MYO10: variants seen among roughly 807,000 people sequenced by gnomAD.
MYO10 encodes myosin X.
MYO10 carries 133 observed loss-of-function variants against 257.3 expected under a neutral mutation model. The observed-to-expected ratio is 0.52, with a 90% CI of 0.45 to 0.60. The LOEUF is 0.60. Among genes scored for constraint, MYO10 ranks in the 20% least tolerant of loss-of-function variants. The pLI is 0.00. For synonymous variants in MYO10, 1,104 were observed against 1,028.6 expected, an observed-to-expected ratio of 1.07 and a Z score of -1.40; for missense variants, 2,399 against 2,635.7, an observed-to-expected ratio of 0.91 and a Z score of 1.97.
At chr5:16,814,240 C>G (rs1484646628) in intron 3 of MYO10, among the ~76,000 whole-genome samples, 1 of 152,204 alleles carries the variant, frequency 6.6e-6, no homozygotes, top group African/African-American at 2.4e-5. Flanking sequence ...CTCCCGGGTT[C>G]ACGCCATTTT....
At chr5:16,797,664 A>G (rs1232964085) in intron 3 of MYO10, among the ~76,000 whole-genome samples, 1 of 152,232 alleles carries the variant, frequency 6.6e-6, no homozygotes. Context: ...GATCCATGCT[A>G]CAATGTGAAT....
At chr5:16,869,643 T>A (rs2126754443) in intron 2 of MYO10, among the ~76,000 whole-genome samples, 1 of 151,760 alleles carries the variant, frequency 6.6e-6, no homozygotes, top group East Asian at 2.0e-4. Context: ...GGCAGGTGGA[T>A]CACCTGAGGT....
At chr5:16,718,154 G>T (rs1738969343) in intron 19 of MYO10, among the ~76,000 whole-genome samples, 1 of 152,246 alleles carries the variant, frequency 6.6e-6, no homozygotes. Flanking sequence ...CCGGCGCTGT[G>T]CTCTGTTTCT....
Position 16,740,885 on chromosome 5 carries a change from CAA to C in MYO10, c.1929+13941_1929+13942del, listed in dbSNP as rs536412973. Among the ~76,000 whole-genome samples, 1,210 of 133,490 alleles carry C rather than the reference CAA, an allele frequency of 9.1e-3. 13 individuals carry two copies. Among genetic ancestry groups the C allele is most frequent in the African/African-American group, 0.031 (1,157 of 37,152 alleles). 87.6% of individuals were successfully genotyped at this position (133,490 alleles called of 152,430 possible). ...ATTAATTACTCTCTAAAATTGATGG[CAA>C]AAAAAAAAAAACCCAACATTCTCAT... On this transcript the variant is annotated intron_variant, in intron 19 of 40. Transcript: ENST00000513610.
intron 4 of MYO10, among the ~76,000 whole-genome samples, chr5:16,789,791 A>G (rs1426094279): frequency 1.3e-5 from 2 of 152,150 alleles, no homozygotes; most frequent in South Asian, 2.1e-4. Flanking sequence ...CAAAAAACAA[A>G]CAAAAAACAG....
chr5:16,758,356 GAC>G, intron 17 of MYO10, 130 bp from the exon 18 acceptor site: 1 of 662,144 alleles, frequency 1.5e-6, no homozygotes, highest in Middle Eastern at 2.7e-4. Flanking sequence ...GAAGAACTAA[GAC>G]AGCTTCCAAA....
chr5:16,886,671 A>G (rs1226807982), intron 1 of MYO10, among the ~76,000 whole-genome samples: 1 of 152,056 alleles, frequency 6.6e-6, no homozygotes, highest in Non-Finnish European at 1.5e-5. Context: ...GTGGCTCCTG[A>G]CTGTAATCCC....
At chr5:16,783,588 G>A (rs1357314340) in intron 4 of MYO10, 119 bp from the exon 5 acceptor site, 13 of 1,115,262 alleles carry the variant, frequency 1.2e-5, no homozygotes, top group Non-Finnish European at 1.5e-5. Flanking sequence ...GGAAGAGGGA[G>A]ATCAAAATGC....
chr5:16,738,314 G>A, intron 19 of MYO10: 1 of 985,476 alleles, frequency 1.0e-6, no homozygotes. Flanking sequence ...TGGGAGCAGG[G>A]GTGGGGATTA....
At chr5:16,685,150 T>C (rs1292773826) in intron 29 of MYO10, among the ~76,000 whole-genome samples, 1 of 152,214 alleles carries the variant, frequency 6.6e-6, no homozygotes, top group Non-Finnish European at 1.5e-5. Context: ...ATTTCTTTTG[T>C]TCTTTTAAAG....
chr5:16,794,852 A>T lies in MYO10; in HGVS notation c.280-19T>A, dbSNP rs147743234. The T allele has an allele frequency of 1.2e-5, 17 of 1,456,442 alleles. No individual in the cohort carries two copies. Among genetic ancestry groups the T allele is most frequent in the Non-Finnish European group, 1.6e-5 (17 of 1,094,466 alleles). 90.2% of individuals were successfully genotyped at this position (1,456,442 alleles called of 1,614,324 possible). A position where few individuals can be genotyped will look rare whatever the true frequency, so the allele number is the denominator to read the frequency against. ...TGTAGGTCTGCAAGCACAGAGTGAG[A>T]CAGGGATGCGTCACTTCTAACCCAG... On this transcript the variant is annotated intron_variant, in intron 3 of 40. Transcript: ENST00000513610.
intron 28 of MYO10, 60 bp from the exon 29 acceptor site, chr5:16,685,891 G>A: frequency 7.8e-7 from 1 of 1,284,322 alleles, no homozygotes; most frequent in Non-Finnish European, 1.1e-6. Flanking sequence ...CAAAGCAATA[G>A]TGCCCTACTG....
At position 16,711,198 on chromosome 5, in the gene MYO10, G is replaced by A. The variant is rs1178706359; in HGVS notation, c.1977C>T (p.Tyr659=). ...TTCTCACAGTCTCCAGCATCCCTGA[G>A]TACCGCAGCTGGTTCAGCACAACCG... ...DQAVVLNQLR[Y]SGMLETVRIR... is the part of the protein sequence containing the mutation. The change falls in exon 20 of 41, where the codon TAC becomes TAT. Residue 659 remains tyrosine (Y), a synonymous_variant. Coordinates refer to ENST00000513610, the MANE Select transcript of MYO10 (RefSeq NM_012334.3). 10 of 1,613,214 alleles carry A rather than the reference G, an allele frequency of 6.2e-6. No individual in the cohort carries two copies. Among genetic ancestry groups the A allele is most frequent in the African/African-American group, 2.7e-5 (2 of 74,846 alleles).
At chr5:16,750,571 T>C (rs1740351056) in intron 19 of MYO10, among the ~76,000 whole-genome samples, 1 of 151,990 alleles carries the variant, frequency 6.6e-6, no homozygotes, top group South Asian at 2.1e-4. Flanking sequence ...GCCCGGCGAG[T>C]GTGTGAGTCT....
In MYO10 at chr5:16,738,964, G is replaced by A. The variant is rs935363671; in HGVS notation, c.1929+15864C>T. Among the ~76,000 whole-genome samples the A allele has an allele frequency of 4.7e-5, 7 of 148,138 alleles. No homozygotes were observed. The Admixed American group carries it at 4.8e-4, about 10-fold the overall frequency. On this transcript the variant is annotated intron_variant, in intron 19 of 40. Transcript: ENST00000513610. ...GCAACAATTTATACTCCCAGCAGCA[G>A]AATAGCAGAATCCATTAATGGCAGT...
At chr5:16,794,929 A>C in intron 3 of MYO10, 96 bp from the exon 4 acceptor site, 2 of 992,708 alleles carry the variant, frequency 2.0e-6, no homozygotes, top group Non-Finnish European at 1.4e-6. Context: ...AGGGGGAAAG[A>C]CGTCTTCTGT....
rs752871617 is a variant in MYO10 at position 16,671,399 on chromosome 5, C to A, written c.5430+23G>T. On this transcript the variant is annotated intron_variant, in intron 38 of 40. Coordinates refer to ENST00000513610, the MANE Select transcript of MYO10 (RefSeq NM_012334.3). Reference sequence around the variant, plus strand: ...CACCCTTGCTTGCCGGCAAAGAAATCTGTTTCTAACTATTCCTTTTACCTG... The same window carrying A: ...CACCCTTGCTTGCCGGCAAAGAAATATGTTTCTAACTATTCCTTTTACCTG... 4 of 1,612,390 alleles carry A rather than the reference C, an allele frequency of 2.5e-6. No homozygotes were observed. In the South Asian group the frequency reaches 3.3e-5, roughly 13 times the overall value.
chr5:16,911,455 G>T (rs957086117), intron 1 of MYO10, among the ~76,000 whole-genome samples: 1 of 152,152 alleles, frequency 6.6e-6, no homozygotes, highest in Non-Finnish European at 1.5e-5. Flanking sequence ...GATTTCTGCT[G>T]GGCACTGGGC....
intron 4 of MYO10, among the ~76,000 whole-genome samples, chr5:16,786,140 A>G (rs1034682523): frequency 1.3e-5 from 2 of 152,098 alleles, no homozygotes; most frequent in Non-Finnish European, 2.9e-5. Context: ...GGAGCAAGAA[A>G]TAGACCATCC....
Sources: gnomAD v4.1 joint callset for allele counts (sites outside exome capture counted in the v4.1 genomes callset) on GRCh38, gnomAD v4.1.1 for gene constraint, MANE v1.5 for transcripts, NCBI Gene and HGNC (gene_info 2026-07-23, HGNC 2026-07-21) for gene names.